The following SEC14L1 variants were observed in gnomAD, a reference collection of about 807,000 sequenced individuals.
SEC14L1 encodes SEC14-like protein 1.
A neutral mutation model predicts 85.3 loss-of-function variants in SEC14L1; 48 were observed. The ratio of observed to expected loss-of-function variants is 0.56; its 90% CI spans 0.45 to 0.72. The LOEUF (loss-of-function observed/expected upper bound fraction) is 0.72, where lower values mean the gene tolerates loss of function less well. Among genes scored for constraint, SEC14L1 ranks in the 30% least tolerant of loss-of-function variants. The pLI is 0.00. For missense variants in SEC14L1, 682 were observed against 921.4 expected, an observed-to-expected ratio of 0.74 and a Z score of 3.36; for synonymous variants, 391 against 355.5, an observed-to-expected ratio of 1.10 and a Z score of -1.12.
At chr17:77,096,933 G>A (rs1392159089) in intron 3 of SEC14L1, among the ~76,000 whole-genome samples, 2 of 152,158 alleles carry the variant, frequency 1.3e-5, no homozygotes, top group South Asian at 2.1e-4. Context: ...CTGTCCGGTT[G>A]TCCCAGTGGA....
intron 3 of SEC14L1, among the ~76,000 whole-genome samples, chr17:77,173,837 A>T (rs1974630517): frequency 1.3e-5 from 2 of 151,842 alleles, no homozygotes; most frequent in Admixed American, 1.3e-4. Context: ...ATCCTGGAGA[A>T]GGTGTTTTTT....
At chr17:77,142,557 CAAAAAAAAAAA>C (rs757563624) in intron 1 of SEC14L1, 78 bp from the exon 2 acceptor site, 1 of 78,208 alleles carries the variant, frequency 1.3e-5, no homozygotes, top group Non-Finnish European at 2.4e-5. Flanking sequence ...CACCCTGTCT[CAAAAAAAAAAA>C]AAAAAAAAAA....
chr17:77,088,814 TGCGGAATTGG>T (rs3214723), exon 1 of SEC14L1: 3,186 of 153,062 alleles, frequency 0.021, 69 homozygotes, highest in Admixed American at 0.053. Context: ...GGCCCTAGCC[TGCGGAATTGG>T]GCTCGCCCCG....
chr17:77,123,029 T>G (rs1485190984), intron 3 of SEC14L1, among the ~76,000 whole-genome samples: 1 of 151,972 alleles, frequency 6.6e-6, no homozygotes, highest in East Asian at 1.9e-4. Flanking sequence ...GGTGTCTCCT[T>G]TTTTGTTGTT....
At chr17:77,096,580 C>T (rs1567866401) in intron 3 of SEC14L1, among the ~76,000 whole-genome samples, 1 of 151,602 alleles carries the variant, frequency 6.6e-6, no homozygotes, top group Non-Finnish European at 1.5e-5. Flanking sequence ...CCGTGGGACA[C>T]AAGCCCTGTA....
chr17:77,194,647 A>ACT (rs1975710008), intron 6 of SEC14L1, 30 bp from the exon 7 acceptor site: 2 of 1,542,150 alleles, frequency 1.3e-6, no homozygotes, highest in African/African-American at 2.7e-5. Context: ...TTGAATATAT[A>ACT]CTCACCTTTA....
At chr17:77,150,861 T>C (rs764792714) in intron 3 of SEC14L1, among the ~76,000 whole-genome samples, 1 of 152,230 alleles carries the variant, frequency 6.6e-6, no homozygotes, top group Non-Finnish European at 1.5e-5. Context: ...TCTAACTTTT[T>C]CTTCCTCTGA....
At chr17:77,143,350 C>G (rs1382918308) in intron 2 of SEC14L1, among the ~76,000 whole-genome samples, 1 of 152,186 alleles carries the variant, frequency 6.6e-6, no homozygotes, top group Non-Finnish European at 1.5e-5. Context: ...CTGTTTGCCT[C>G]ATTGCATTGG....
intron 3 of SEC14L1, among the ~76,000 whole-genome samples, chr17:77,173,544 C>T (rs1974616948): frequency 6.6e-6 from 1 of 152,096 alleles, no homozygotes; most frequent in Non-Finnish European, 1.5e-5. Flanking sequence ...TGGACAGGCC[C>T]CTGCCGTCAG....
At chr17:77,194,053 A>C (rs557619435) in intron 6 of SEC14L1, among the ~76,000 whole-genome samples, 2 of 152,302 alleles carry the variant, frequency 1.3e-5, no homozygotes, top group African/African-American at 4.8e-5. Context: ...CTGTGTTGGA[A>C]AGAATTGAAA....
chr17:77,157,930 T>C (rs1046693613), intron 3 of SEC14L1, among the ~76,000 whole-genome samples: 4 of 152,200 alleles, frequency 2.6e-5, no homozygotes, highest in African/African-American at 9.7e-5. Flanking sequence ...TAACATACAC[T>C]AGAAGGAGAC....
At chr17:77,158,109 C>T (rs900237410) in intron 3 of SEC14L1, among the ~76,000 whole-genome samples, 5 of 152,190 alleles carry the variant, frequency 3.3e-5, no homozygotes, top group South Asian at 2.1e-4. Context: ...AGACTGGTCT[C>T]GAACTCCTGA....
chr17:77,205,087 A>G, intron 10 of SEC14L1, 189 bp from the exon 11 acceptor site: 1 of 570,400 alleles, frequency 1.8e-6, no homozygotes, highest in Non-Finnish European at 3.1e-6. Flanking sequence ...TTCTCTTTCA[A>G]AAGTAGAATT....
rs1976452728 is a variant in SEC14L1 at position 77,206,137 on chromosome 17, A to G, written c.1170-92A>G. 1.6e-6 allele frequency: 2 copies of G among 1,263,590 alleles called. No homozygotes were observed. The highest frequency in any genetic ancestry group is 2.2e-5 in the Admixed American group (1 of 44,684). 78.3% of individuals were successfully genotyped at this position (1,263,590 alleles called of 1,614,324 possible). A position where few individuals can be genotyped will look rare whatever the true frequency, so the allele number is the denominator to read the frequency against. Reference sequence around the variant, plus strand: ...AAAATTGATTATGATGTATTTGGAAATAGCTATAAATGACCAAAAAGGAAG... The same window carrying G: ...AAAATTGATTATGATGTATTTGGAAGTAGCTATAAATGACCAAAAAGGAAG... On this transcript the variant is annotated intron_variant, in intron 11 of 16. Transcript: ENST00000436233. This position sits in a 1 kb window ranked among gnomAD's most constrained non-coding sequence, Gnocchi z 4.3.
intron 10 of SEC14L1, 38 bp downstream of exon 10, chr17:77,203,696 G>A (rs1669927897): frequency 3.9e-6 from 6 of 1,545,614 alleles, no homozygotes; most frequent in Non-Finnish European, 5.3e-6. Flanking sequence ...TGCCACTGTG[G>A]CGTCACTTTT....
chr17:77,204,522 CTTT>C (rs745921636), intron 10 of SEC14L1, among the ~76,000 whole-genome samples: 1,014 of 84,744 alleles, frequency 0.012, 24 homozygotes, highest in African/African-American at 0.038. Context: ...GCCCAGCCAG[CTTT>C]TTTTTTTTTT....
At chr17:77,155,421 C>T (rs772008368) in intron 3 of SEC14L1, among the ~76,000 whole-genome samples, 14 of 152,202 alleles carry the variant, frequency 9.2e-5, no homozygotes, top group African/African-American at 1.4e-4. Context: ...TGTGTGGCCC[C>T]GCAGGTACCT....
intron 3 of SEC14L1, among the ~76,000 whole-genome samples, chr17:77,166,807 C>G (rs1000342828): frequency 6.6e-5 from 10 of 151,934 alleles, no homozygotes; most frequent in Non-Finnish European, 1.3e-4. Context: ...CCATTGCACT[C>G]CAGCCTGGGT....
intron 3 of SEC14L1, among the ~76,000 whole-genome samples, chr17:77,166,200 C>CA (rs1252933187): frequency 6.6e-6 from 1 of 152,198 alleles, no homozygotes; most frequent in Non-Finnish European, 1.5e-5. Context: ...CTTGGCCTCT[C>CA]AAATTGCTGG....
Sources: allele counts gnomAD v4.1 joint callset (sites outside exome capture counted in the v4.1 genomes callset), GRCh38; gene constraint gnomAD v4.1.1; non-coding constraint Gnocchi (gnomAD v3.1); transcripts MANE v1.5; gene names NCBI Gene and HGNC (gene_info 2026-07-23, HGNC 2026-07-21).